Variants in PCDH15 observed in about 807,000 individuals in gnomAD.
PCDH15 encodes protocadherin-15.
A neutral mutation model predicts 178.5 loss-of-function variants in PCDH15; 129 were observed. The ratio of observed to expected loss-of-function variants is 0.72; its 90% CI spans 0.63 to 0.84. The LOEUF is 0.84. Ranked by LOEUF, PCDH15 falls within the 40% of genes least tolerant of loss-of-function variation. The pLI, the probability that PCDH15 is intolerant of heterozygous loss-of-function variation, is 0.00. For missense variants in PCDH15, 2,230 were observed against 2,099.9 expected (o/e 1.06, Z -1.21); for synonymous variants, 800 against 732.0 (o/e 1.09, Z -1.50).
intron 2 of PCDH15, among the ~76,000 whole-genome samples, chr10:55,106,155 T>A (rs949614418): frequency 8.5e-5 from 13 of 152,204 alleles, no homozygotes; most frequent in Non-Finnish European, 1.9e-4. Context: ...AAGATAGGAT[T>A]GAAATATTTT....
Position 54,350,528 on chromosome 10 carries a change from G to A in PCDH15, c.475-4044C>T, listed in dbSNP as rs762895285. Among the ~76,000 whole-genome samples, 111 of 152,178 alleles carry A rather than the reference G, an allele frequency of 7.3e-4. 1 individual carries two copies. Among genetic ancestry groups the A allele is most frequent in the African/African-American group, 1.2e-3 (51 of 41,448 alleles). ...GGTAGACCTGTTCACATATGAGATA[G>A]GGTTGAGGCTAATATGAGAGAAATA... On this transcript the variant is annotated intron_variant, in intron 5 of 37. Transcript: ENST00000644397.
chr10:54,643,295 TTTATA>T (rs2094037191), intron 2 of PCDH15, among the ~76,000 whole-genome samples: 1 of 152,206 alleles, frequency 6.6e-6, no homozygotes, highest in Non-Finnish European at 1.5e-5. Context: ...CAAATGACTT[TTTATA>T]TTAAACCTGT....
intron 2 of PCDH15, among the ~76,000 whole-genome samples, chr10:55,536,393 C>A (rs530891906): frequency 6.6e-6 from 1 of 152,022 alleles, no homozygotes; most frequent in Non-Finnish European, 1.5e-5. Context: ...CACTGCTGTA[C>A]CTCAAAGAAT....
intron 2 of PCDH15, among the ~76,000 whole-genome samples, chr10:55,029,714 C>T (rs1464596327): frequency 2.0e-5 from 3 of 152,098 alleles, no homozygotes; most frequent in African/African-American, 4.8e-5. Flanking sequence ...TATTTGAATT[C>T]GTAGAAGTGC....
At chr10:54,557,860 T>C (rs2087510138) in intron 2 of PCDH15, among the ~76,000 whole-genome samples, 1 of 152,164 alleles carries the variant, frequency 6.6e-6, no homozygotes, top group Admixed American at 6.6e-5. Flanking sequence ...GGTCATGGGT[T>C]CCATTGTATT....
chr10:55,113,924 C>G (rs888646824), intron 2 of PCDH15, among the ~76,000 whole-genome samples: 4 of 152,028 alleles, frequency 2.6e-5, no homozygotes, highest in African/African-American at 7.2e-5. Context: ...AAACTTTGAA[C>G]AAGTATTTTG....
chr10:55,067,641 T>TC (rs1459634490), intron 2 of PCDH15, among the ~76,000 whole-genome samples: 1 of 151,320 alleles, frequency 6.6e-6, no homozygotes, highest in Non-Finnish European at 1.5e-5. Flanking sequence ...AGTTCTATTT[T>TC]TTTTTTTTTT....
intron 2 of PCDH15, among the ~76,000 whole-genome samples, chr10:55,069,001 G>A (rs117824075): frequency 0.12 from 18,493 of 151,682 alleles, 1,282 homozygotes; most frequent in Middle Eastern, 0.19. Context: ...GGGTTCAAGC[G>A]ATTCTTGTGC....
At chr10:55,316,535 A>C (rs908608542) in intron 1 of PCDH15, among the ~76,000 whole-genome samples, 9 of 152,158 alleles carry the variant, frequency 5.9e-5, no homozygotes, top group African/African-American at 2.2e-4. Flanking sequence ...TCTTTTAAAG[A>C]ATCTATCATT....
chr10:55,427,049 T>C (rs1260287562), intron 2 of PCDH15, among the ~76,000 whole-genome samples: 1 of 152,018 alleles, frequency 6.6e-6, no homozygotes, highest in Non-Finnish European at 1.5e-5. Flanking sequence ...GGATGTAAGT[T>C]CTCACTTTGG....
chr10:53,891,790 T>C (rs2081569430), intron 26 of PCDH15, among the ~76,000 whole-genome samples: 1 of 73,620 alleles, frequency 1.4e-5, no homozygotes, highest in African/African-American at 4.0e-5. Context: ...CTGTCTTTAC[T>C]AAAAATAAAA....
intron 2 of PCDH15, among the ~76,000 whole-genome samples, chr10:55,588,906 A>G (rs762041576): frequency 6.6e-6 from 1 of 151,764 alleles, no homozygotes; most frequent in Non-Finnish European, 1.5e-5. Flanking sequence ...ACATGGAGAA[A>G]CTCCATCTCT....
chr10:55,002,235 T>A (rs1046738841), intron 2 of PCDH15, among the ~76,000 whole-genome samples: 1 of 152,250 alleles, frequency 6.6e-6, no homozygotes, highest in African/African-American at 2.4e-5. Context: ...TAAATAATCT[T>A]TTAAATAGCT....
chr10:54,825,803 C>T (rs1277304640), intron 3 of PCDH15, among the ~76,000 whole-genome samples: 3 of 152,028 alleles, frequency 2.0e-5, no homozygotes, highest in African/African-American at 7.2e-5. Flanking sequence ...GACTAATTAG[C>T]ACTTAATATG....
chr10:55,351,552 G>T (rs1192064363), intron 2 of PCDH15, among the ~76,000 whole-genome samples: 1 of 152,080 alleles, frequency 6.6e-6, no homozygotes, highest in Admixed American at 6.6e-5. Flanking sequence ...ATAAAATTAA[G>T]TCTTTATAAT....
intron 9 of PCDH15, among the ~76,000 whole-genome samples, chr10:54,214,291 C>A (rs1591210659): frequency 6.6e-6 from 1 of 151,880 alleles, no homozygotes; most frequent in African/African-American, 2.4e-5. Flanking sequence ...ATTAAGAGGG[C>A]TCTAATTAAT....
At chr10:55,172,514 A>G (rs923622484) in intron 1 of PCDH15, among the ~76,000 whole-genome samples, 1 of 151,998 alleles carries the variant, frequency 6.6e-6, no homozygotes, top group Admixed American at 6.6e-5. Context: ...TGTGCAATGA[A>G]TGGCCACTTC....
At chr10:54,410,899 AG>A (rs58000888) in intron 3 of PCDH15, among the ~76,000 whole-genome samples, 120,481 of 151,890 alleles carry the variant, frequency 0.79, 48,551 homozygotes, top group East Asian at 0.97. Flanking sequence ...TTGTTGAATA[AG>A]GGGCCCTGAT....
At chr10:55,441,107 T>C (rs1839174530) in intron 2 of PCDH15, among the ~76,000 whole-genome samples, 1 of 152,170 alleles carries the variant, frequency 6.6e-6, no homozygotes, top group Non-Finnish European at 1.5e-5. Flanking sequence ...TCTAAGAATG[T>C]AATTCTCTAC....
Sources: gnomAD v4.1 joint callset for allele counts (sites outside exome capture counted in the v4.1 genomes callset) on GRCh38, gnomAD v4.1.1 for gene constraint, MANE v1.5 for transcripts, NCBI Gene and HGNC (gene_info 2026-07-23, HGNC 2026-07-21) for gene names.